The following SGCG variants were observed in gnomAD, a reference collection of about 807,000 sequenced individuals.
SGCG encodes the protein gamma-sarcoglycan.
A neutral mutation model predicts 29.3 loss-of-function variants in SGCG; 26 were observed. The ratio of observed to expected loss-of-function variants is 0.89; its 90% CI spans 0.65 to 1.23. The LOEUF (loss-of-function observed/expected upper bound fraction) is 1.23. Among genes scored for constraint, SGCG ranks in the 50% most tolerant of loss-of-function variants. SGCG has a pLI of 0.00. For missense variants in SGCG, 353 were observed against 356.0 expected, an observed-to-expected ratio of 0.99 and a Z score of 0.07; for synonymous variants, 145 against 129.7, an observed-to-expected ratio of 1.12 and a Z score of -0.80.
intron 1 of SGCG, among the ~76,000 whole-genome samples, chr13:23,188,739 G>C (rs1361973575): frequency 6.6e-6 from 1 of 152,148 alleles, no homozygotes; most frequent in African/African-American, 2.4e-5. Context: ...CCCTTCTGAG[G>C]ATAGGAATGT....
intron 1 of SGCG, among the ~76,000 whole-genome samples, chr13:23,202,124 T>G (rs1208441323): frequency 6.6e-6 from 1 of 152,176 alleles, no homozygotes; most frequent in African/African-American, 2.4e-5. Context: ...TTCAGTCTTG[T>G]GAGCAAAGGA....
At chr13:23,288,829 A>T (rs1241334081) in intron 5 of SGCG, among the ~76,000 whole-genome samples, 1 of 152,196 alleles carries the variant, frequency 6.6e-6, no homozygotes, top group Non-Finnish European at 1.5e-5. Context: ...CCTGGCAACA[A>T]TTTGCTAGGC....
At chr13:23,271,737 C>G (rs944523104) in intron 4 of SGCG, among the ~76,000 whole-genome samples, 1 of 152,128 alleles carries the variant, frequency 6.6e-6, no homozygotes, top group Non-Finnish European at 1.5e-5. Flanking sequence ...TACTGTATTG[C>G]ATTGAATTTA....
At chr13:23,229,884 C>T (rs1879042348) in intron 2 of SGCG, among the ~76,000 whole-genome samples, 1 of 152,064 alleles carries the variant, frequency 6.6e-6, no homozygotes, top group African/African-American at 2.4e-5. Flanking sequence ...ATGGTATTTC[C>T]TAGCTTATCC....
At chr13:23,302,837 G>GT (rs1268196613) in intron 6 of SGCG, among the ~76,000 whole-genome samples, 1 of 152,118 alleles carries the variant, frequency 6.6e-6, no homozygotes, top group African/African-American at 2.4e-5. Context: ...TATCTTTCCT[G>GT]TTTTTTAAGT....
chr13:23,291,631 A>T (rs922018286), intron 5 of SGCG, among the ~76,000 whole-genome samples: 1 of 152,190 alleles, frequency 6.6e-6, no homozygotes, highest in African/African-American at 2.4e-5. Flanking sequence ...GATAATACAT[A>T]TCAGTTTATA....
intron 6 of SGCG, among the ~76,000 whole-genome samples, chr13:23,307,427 G>A (rs982785072): frequency 1.1e-4 from 17 of 151,968 alleles, no homozygotes; most frequent in African/African-American, 3.4e-4. Flanking sequence ...TATATTTTTC[G>A]TGAGTTAAAA....
chr13:23,266,752 CTT>C lies in SGCG; in HGVS notation c.386-12606_386-12605del, dbSNP rs200179243. 6.4e-3 allele frequency among the ~76,000 whole-genome samples: 979 copies of C among 152,278 alleles called. 8 individuals are homozygous for C. Among genetic ancestry groups the C allele is most frequent in the African/African-American group, 0.022 (896 of 41,556 alleles). On this transcript the variant is annotated intron_variant, in intron 4 of 7. Coordinates refer to ENST00000218867, the MANE Select transcript of SGCG (RefSeq NM_000231.3). ...ATTCTCTCTTCTCTCTTCTCTCTCT[CTT>C]GCTTCTGTTCTTGCCATAAGATATA...
intron 5 of SGCG, among the ~76,000 whole-genome samples, chr13:23,288,478 C>A (rs1881585859): frequency 6.6e-6 from 1 of 152,130 alleles, no homozygotes; most frequent in Non-Finnish European, 1.5e-5. Flanking sequence ...CTCAAATAAG[C>A]TAAAACCTCT....
Position 23,285,767 on chromosome 13 carries a change from C to A in SGCG, c.505+6289C>A, listed in dbSNP as rs552054120. 3.7e-5 allele frequency among the ~76,000 whole-genome samples: 5 copies of A among 135,588 alleles called. No homozygotes were observed. The East Asian group carries it at 1.0e-3, about 28-fold the overall frequency. 89.0% of individuals were successfully genotyped at this position (135,588 alleles called of 152,430 possible). ...GCACCTGAGGGAATCTCCTGGTCTGCAGGTTGCGAAGACCATGGGAAAAGC... is the reference window on the plus strand; with the variant it reads ...GCACCTGAGGGAATCTCCTGGTCTGAAGGTTGCGAAGACCATGGGAAAAGC... On this transcript the variant is annotated intron_variant, in intron 5 of 7. Coordinates refer to ENST00000218867, the MANE Select transcript of SGCG (RefSeq NM_000231.3).
At chr13:23,242,980 T>C (rs183016670) in intron 3 of SGCG, among the ~76,000 whole-genome samples, 4 of 152,334 alleles carry the variant, frequency 2.6e-5, no homozygotes, top group Admixed American at 2.6e-4. Flanking sequence ...CATCAGTTTT[T>C]ATTAAAAATG....
upstream of SGCG, among the ~76,000 whole-genome samples, chr13:23,178,532 A>C (rs1876630098): frequency 1.3e-5 from 2 of 152,236 alleles, no homozygotes; most frequent in Admixed American, 6.5e-5. Flanking sequence ...CAGTTAGCTT[A>C]TAACGTCATG....
At chr13:23,308,062 G>A (rs543223456) in intron 6 of SGCG, among the ~76,000 whole-genome samples, 1 of 152,322 alleles carries the variant, frequency 6.6e-6, no homozygotes, top group Admixed American at 6.5e-5. Context: ...GATCGTGAAT[G>A]CTTCACTGGT....
intron 2 of SGCG, 68 bp from the exon 3 acceptor site, chr13:23,234,543 C>A (rs1593188189): frequency 9.5e-7 from 1 of 1,047,162 alleles, no homozygotes; most frequent in Non-Finnish European, 1.5e-6. Flanking sequence ...TGATTTAAGT[C>A]AATATTAAGA....
intron 4 of SGCG, among the ~76,000 whole-genome samples, chr13:23,276,857 T>C (rs7139413): frequency 0.037 from 5,673 of 152,348 alleles, 361 homozygotes; most frequent in African/African-American, 0.13. Flanking sequence ...ATCCCAATGC[T>C]TAGCAAATTG....
At chr13:23,246,801 G>A (rs1054098252) in intron 3 of SGCG, 10 of 201,084 alleles carry the variant, frequency 5.0e-5, no homozygotes, top group East Asian at 2.3e-4. Context: ...CCGAGAAGCC[G>A]ATGAAGACCT....
chr13:23,244,938 T>C (rs11148707), intron 3 of SGCG: 102,355 of 152,072 alleles, frequency 0.67, 34,858 homozygotes, highest in East Asian at 0.91. Flanking sequence ...TAGGTAGGAT[T>C]CCCCAGCAAA....
intron 2 of SGCG, among the ~76,000 whole-genome samples, chr13:23,227,171 T>C (rs1348534868): frequency 6.6e-6 from 1 of 152,170 alleles, no homozygotes; most frequent in Non-Finnish European, 1.5e-5. Flanking sequence ...TGGCTGCCTG[T>C]CCACATCTGT....
At chr13:23,175,570 T>C in the SGCG span, among the ~76,000 whole-genome samples, 6 of 152,146 alleles carry the variant, frequency 3.9e-5, no homozygotes, top group Non-Finnish European at 7.3e-5. Context: ...ATACGGAAAT[T>C]TTAGGTAGTA....
Sources: allele counts gnomAD v4.1 joint callset (sites outside exome capture counted in the v4.1 genomes callset), GRCh38; gene constraint gnomAD v4.1.1; transcripts MANE v1.5; gene names NCBI Gene and HGNC (gene_info 2026-07-23, HGNC 2026-07-21).